Variants in PCMT1 observed in about 807,000 individuals in gnomAD.
The protein encoded by PCMT1 is protein-L-isoaspartate(D-aspartate) O-methyltransferase.
PCMT1 carries 9 observed loss-of-function variants against 29.2 expected under a neutral mutation model. The observed-to-expected ratio is 0.31, with a 90% CI of 0.19 to 0.54. The LOEUF (loss-of-function observed/expected upper bound fraction) is 0.54, where lower values mean the gene tolerates loss of function less well. PCMT1 is among the 20% of genes least tolerant of loss of function. PCMT1 has a pLI of 0.95. For missense variants in PCMT1, 184 were observed against 282.2 expected (o/e 0.65, Z 2.49); for synonymous variants, 98 against 97.5 (o/e 1.00, Z -0.03).
intron 3 of PCMT1, among the ~76,000 whole-genome samples, chr6:149,780,532 T>C (rs1787772411): frequency 1.3e-5 from 2 of 152,174 alleles, no homozygotes; most frequent in Admixed American, 1.3e-4. Context: ...TCTGCTCAGG[T>C]CCTGGCAACT....
chr6:149,807,394 C>A (rs575425013), intron 7 of PCMT1, among the ~76,000 whole-genome samples: 1 of 151,882 alleles, frequency 6.6e-6, no homozygotes, highest in Admixed American at 6.6e-5. Context: ...ATTTTTGAGA[C>A]AGAGTCTTGC....
chr6:149,768,986 A>C (rs1336709528), intron 1 of PCMT1, among the ~76,000 whole-genome samples: 2 of 152,198 alleles, frequency 1.3e-5, no homozygotes, highest in East Asian at 3.9e-4. Context: ...AAAATCTAAT[A>C]GTTTCATTAG....
Position 149,805,135 on chromosome 6 carries a change from G to C in PCMT1, c.*37+2719G>C, listed in dbSNP as rs543041149. Reference sequence around the variant, plus strand: ...TGTGCACCTCTAGTTCTGGCTACTTGGGAGGCTGAGATAAGAGGATCACTT... The same window carrying C: ...TGTGCACCTCTAGTTCTGGCTACTTCGGAGGCTGAGATAAGAGGATCACTT... On this transcript the variant is annotated intron_variant, in intron 7 of 7. Coordinates refer to ENST00000464889, the MANE Select transcript of PCMT1 (RefSeq NM_001360452.2). 3.1e-4 allele frequency among the ~76,000 whole-genome samples: 47 copies of C among 152,256 alleles called. 1 individual carries two copies. The highest frequency in any genetic ancestry group is 1.9e-3 in the East Asian group (10 of 5,174).
At chr6:149,794,102 A>G (rs1788497146) in intron 5 of PCMT1, among the ~76,000 whole-genome samples, 8 of 152,152 alleles carry the variant, frequency 5.3e-5, no homozygotes, top group Admixed American at 5.2e-4. Context: ...CAGACTTACC[A>G]ATTTTTTTCA....
chr6:149,766,094 C>T (rs1327869053), intron 1 of PCMT1, among the ~76,000 whole-genome samples: 1 of 151,508 alleles, frequency 6.6e-6, no homozygotes, highest in Non-Finnish European at 1.5e-5. Flanking sequence ...TTTCCTCCTC[C>T]CATTGTTTTT....
chr6:149,764,521 G>C (rs187721857), intron 1 of PCMT1, among the ~76,000 whole-genome samples: 141 of 152,244 alleles, frequency 9.3e-4, no homozygotes, highest in African/African-American at 3.3e-3. Context: ...AGGATCACTT[G>C]AGGCCAGAAA....
chr6:149,750,253 T>C, intron 1 of PCMT1: 1 of 412,326 alleles, frequency 2.4e-6, no homozygotes, highest in Non-Finnish European at 4.3e-6. Flanking sequence ...CAGGTGATGC[T>C]GCTGTCACTC....
chr6:149,786,813 C>T (rs1221657567), intron 3 of PCMT1, among the ~76,000 whole-genome samples: 5 of 148,906 alleles, frequency 3.4e-5, no homozygotes, highest in Admixed American at 6.7e-5. Context: ...CGGAAAGAGG[C>T]GCTCCTCACT....
chr6:149,765,092 G>C (rs1440256430), intron 1 of PCMT1, among the ~76,000 whole-genome samples: 1 of 149,422 alleles, frequency 6.7e-6, no homozygotes, highest in Non-Finnish European at 1.5e-5. Context: ...AGGTGCGGTG[G>C]CTCACGCCTG....
Position 149,763,173 on chromosome 6 carries a change from GATATATATCTATGATATCTATGAT to G in PCMT1, c.56-7961_56-7938del, listed in dbSNP as rs1167960410. On this transcript the variant is annotated intron_variant, in intron 1 of 7. Transcript: ENST00000464889. ...TATGATATATATCTATGATATCTAT[GATATATATCTATGATATCTATGAT>G]ATATATATCTATGATATCTATGATA... Among the ~76,000 whole-genome samples the G allele has an allele frequency of 2.3e-3, 83 of 36,592 alleles. 22 individuals are homozygous for G. The highest frequency in any genetic ancestry group is 2.2e-3 in the Non-Finnish European group (59 of 26,628). The allele number at this position is 36,592 out of a possible 152,430, so 24.0% of individuals were successfully genotyped here. A position where few individuals can be genotyped will look rare whatever the true frequency, so the allele number is the denominator to read the frequency against.
rs372773939 is a variant in PCMT1 at position 149,769,308 on chromosome 6, C to CTTT, written c.56-1832_56-1830dup. Among the ~76,000 whole-genome samples, 334 of 71,496 alleles carry CTTT rather than the reference C, an allele frequency of 4.7e-3. 64 individuals carry two copies. The highest frequency in any genetic ancestry group is 0.025 in the African/African-American group (292 of 11,666). The allele number at this position is 71,496 out of a possible 152,430, so 46.9% of individuals were successfully genotyped here. ...AGTTAGCACCTATTTGTGCAGGATTCTTTTTTTTTTTTTTTTTTTTTTTTG... is the reference window on the plus strand; with the variant it reads ...AGTTAGCACCTATTTGTGCAGGATTCTTTTTTTTTTTTTTTTTTTTTTTTTTTG... On this transcript the variant is annotated intron_variant, in intron 1 of 7. Transcript: ENST00000464889.
intron 1 of PCMT1, among the ~76,000 whole-genome samples, chr6:149,762,627 GATATATATATAT>G (rs1786817288): frequency 1.4e-4 from 1 of 6,992 alleles, no homozygotes; most frequent in Non-Finnish European, 1.8e-4. Flanking sequence ...ATATATCTAT[GATATATATATAT>G]CTATGATATA....
rs564702691 is a variant in PCMT1 at position 149,787,138 on chromosome 6, T to A, written c.193-2816T>A. ...CAAAAAAATACGAAAACCAGTCAGG[T>A]GTGGTGGCGCGCGCCTGCAATCGCA... On this transcript the variant is annotated intron_variant, in intron 3 of 7. Transcript: ENST00000464889. 4.2e-3 allele frequency among the ~76,000 whole-genome samples: 599 copies of A among 144,146 alleles called. 6 individuals are homozygous for A. Among genetic ancestry groups the A allele is most frequent in the African/African-American group, 0.016 (586 of 37,238 alleles). The allele number at this position is 144,146 out of a possible 152,430, so 94.6% of individuals were successfully genotyped here.
chr6:149,755,448 A>G lies in PCMT1; in HGVS notation c.55+5492A>G, dbSNP rs56940986. On this transcript the variant is annotated intron_variant, in intron 1 of 7. Transcript: ENST00000464889. ...TCTCAAAAAAAAAAAAATGTTGAGT[A>G]TCTGTATGGGCTGTATGGGCTTTGG... Among the ~76,000 whole-genome samples the G allele has an allele frequency of 4.5e-3, 678 of 151,876 alleles. 7 individuals carry two copies. The highest frequency in any genetic ancestry group is 0.016 in the African/African-American group (644 of 41,418).
chr6:149,786,313 GGGGCT>G (rs1788070212), intron 3 of PCMT1, among the ~76,000 whole-genome samples: 1 of 83,714 alleles, frequency 1.2e-5, no homozygotes, highest in Non-Finnish European at 2.2e-5. Context: ...TGGCCGGGCG[GGGGCT>G]GACCCCCCCA....
intron 2 of PCMT1, among the ~76,000 whole-genome samples, chr6:149,771,844 T>C (rs1003467246): frequency 6.6e-6 from 1 of 152,164 alleles, no homozygotes; most frequent in Non-Finnish European, 1.5e-5. Flanking sequence ...AATGAAAACT[T>C]ACAGTATTAG....
intron 7 of PCMT1, among the ~76,000 whole-genome samples, chr6:149,803,721 A>G (rs1342824578): frequency 1.3e-5 from 2 of 151,468 alleles, no homozygotes; most frequent in Non-Finnish European, 1.5e-5. Flanking sequence ...TAATAAGTTT[A>G]ATAGATCTCT....
intron 1 of PCMT1, 131 bp downstream of exon 1, chr6:149,750,087 G>A: frequency 1.5e-6 from 2 of 1,294,562 alleles, no homozygotes; most frequent in Non-Finnish European, 2.1e-6. Context: ...GAGTTGCCCC[G>A]GTAGTCCCGA....
rs527561254 is a variant in PCMT1 at position 149,807,604 on chromosome 6, C to T, written c.*38-3012C>T. On this transcript the variant is annotated intron_variant, in intron 7 of 7. Coordinates refer to ENST00000464889, the MANE Select transcript of PCMT1 (RefSeq NM_001360452.2). The stretch of plus-strand genomic sequence containing the variant: ...CAGGCTGGTCTCAAACTCCTGACAT[C>T]AAGTGATCCACCCGCCTCAGCCTCC... Among the ~76,000 whole-genome samples the T allele has an allele frequency of 1.3e-5, 2 of 152,260 alleles. 1 individual carries two copies. The highest frequency in any genetic ancestry group is 4.1e-4 in the South Asian group (2 of 4,822).
Sources: gnomAD v4.1 joint callset for allele counts (sites outside exome capture counted in the v4.1 genomes callset) on GRCh38, gnomAD v4.1.1 for gene constraint, MANE v1.5 for transcripts, NCBI Gene and HGNC (gene_info 2026-07-23, HGNC 2026-07-21) for gene names.